Variants in SBF2 observed in about 807,000 individuals in gnomAD.
The protein encoded by SBF2 is SET binding factor 2, also known as myotubularin-related protein 13.
Under a neutral mutation model 225.2 loss-of-function variants are expected in SBF2, and 112 were observed. The observed-to-expected ratio is 0.50, with a 90% CI of 0.43 to 0.58. SBF2 has a LOEUF of 0.58. Ranked by LOEUF, SBF2 falls within the 20% of genes least tolerant of loss-of-function variation. The pLI is 0.00. For missense variants in SBF2, 1,996 were observed against 2,206.2 expected (o/e 0.90, Z 1.91); for synonymous variants, 763 against 773.3 (o/e 0.99, Z 0.22).
chr11:10,144,973 C>T (rs1442638255), intron 2 of SBF2, among the ~76,000 whole-genome samples: 1 of 152,226 alleles, frequency 6.6e-6, no homozygotes, highest in African/African-American at 2.4e-5. Context: ...GCTCCACTTA[C>T]ATTCCACTTA....
intron 1 of SBF2, among the ~76,000 whole-genome samples, chr11:10,301,427 T>G (rs1389951050): frequency 6.6e-6 from 1 of 152,232 alleles, no homozygotes; most frequent in Non-Finnish European, 1.5e-5. Context: ...GCTGATTGTG[T>G]TCTTTCTCTA....
At chr11:10,199,795 C>T (rs1957509805) in intron 1 of SBF2, among the ~76,000 whole-genome samples, 1 of 151,654 alleles carries the variant, frequency 6.6e-6, no homozygotes, top group African/African-American at 2.4e-5. Context: ...ACCTGTAGTC[C>T]CAGCTACTCA....
intron 35 of SBF2, among the ~76,000 whole-genome samples, chr11:9,788,897 G>T (rs1426617830): frequency 6.6e-6 from 1 of 151,984 alleles, no homozygotes; most frequent in East Asian, 1.9e-4. Context: ...GAGCCACCGC[G>T]CCAGGCTGGA....
chr11:10,100,824 A>C (rs1952265639), intron 2 of SBF2, among the ~76,000 whole-genome samples: 1 of 151,544 alleles, frequency 6.6e-6, no homozygotes, highest in African/African-American at 2.4e-5. Flanking sequence ...CCTTGTGTGG[A>C]GGTGTCTGTA....
intron 2 of SBF2, among the ~76,000 whole-genome samples, chr11:10,122,452 C>T (rs1276094356): frequency 2.0e-5 from 3 of 152,160 alleles, no homozygotes; most frequent in Non-Finnish European, 1.5e-5. Context: ...GAACTCAGAA[C>T]AGGCCCTAAA....
intron 6 of SBF2, among the ~76,000 whole-genome samples, chr11:10,021,040 T>C (rs567503063): frequency 5.1e-4 from 77 of 152,178 alleles, no homozygotes; most frequent in African/African-American, 1.8e-3. Context: ...TAGAAAAAGG[T>C]ACAAACACAA....
chr11:10,008,802 T>C (rs937122099), intron 6 of SBF2, among the ~76,000 whole-genome samples: 1 of 152,224 alleles, frequency 6.6e-6, no homozygotes. Context: ...CAAACATCAC[T>C]ATTGAAGGGA....
chr11:9,976,193 C>A (rs1946676512), intron 13 of SBF2, among the ~76,000 whole-genome samples: 1 of 151,578 alleles, frequency 6.6e-6, no homozygotes, highest in Non-Finnish European at 1.5e-5. Context: ...CCTGCCTCAG[C>A]CTCCCGAGTA....
At chr11:10,216,390 CTTT>C (rs765823730) in intron 1 of SBF2, among the ~76,000 whole-genome samples, 16 of 152,206 alleles carry the variant, frequency 1.1e-4, no homozygotes, top group Non-Finnish European at 2.1e-4. Context: ...TCTATTCCTT[CTTT>C]AAGATGATAG....
chr11:10,212,683 A>C (rs1957978873), intron 1 of SBF2, among the ~76,000 whole-genome samples: 1 of 152,204 alleles, frequency 6.6e-6, no homozygotes, highest in Non-Finnish European at 1.5e-5. Flanking sequence ...CTACCCTTCC[A>C]TGACAGTTCT....
At chr11:10,015,929 C>A (rs894135469) in intron 6 of SBF2, among the ~76,000 whole-genome samples, 1 of 152,014 alleles carries the variant, frequency 6.6e-6, no homozygotes, top group African/African-American at 2.4e-5. Context: ...AGGTGCCCCC[C>A]ATCACTCCAG....
At chr11:10,301,947 GA>G (rs1964602443) in intron 1 of SBF2, among the ~76,000 whole-genome samples, 1 of 152,018 alleles carries the variant, frequency 6.6e-6, no homozygotes, top group Non-Finnish European at 1.5e-5. Context: ...TGAAATTCTG[GA>G]GCACACAAAA....
intron 2 of SBF2, among the ~76,000 whole-genome samples, chr11:10,089,107 A>G (rs1434759446): frequency 6.6e-6 from 1 of 152,154 alleles, no homozygotes; most frequent in Non-Finnish European, 1.5e-5. Context: ...ACATGAATAC[A>G]CTGCATAGTG....
intron 2 of SBF2, among the ~76,000 whole-genome samples, chr11:10,107,268 T>C (rs565581699): frequency 6.6e-6 from 1 of 152,230 alleles, no homozygotes; most frequent in East Asian, 1.9e-4. Context: ...AACCGAACAT[T>C]CATCAACAGG....
chr11:9,824,112 T>C (rs1854928424), intron 28 of SBF2, among the ~76,000 whole-genome samples: 1 of 152,140 alleles, frequency 6.6e-6, no homozygotes, highest in Admixed American at 6.5e-5. Context: ...AAATAGGAGA[T>C]TTTAATCTGA....
chr11:9,864,074 A>G (rs1857982652), intron 17 of SBF2, among the ~76,000 whole-genome samples: 1 of 152,242 alleles, frequency 6.6e-6, no homozygotes, highest in South Asian at 2.1e-4. Context: ...AGGAGCAGAA[A>G]GAGAATGGCC....
chr11:10,089,948 A>T (rs1951713116), intron 2 of SBF2, among the ~76,000 whole-genome samples: 2 of 152,232 alleles, frequency 1.3e-5, no homozygotes, highest in Non-Finnish European at 1.5e-5. Flanking sequence ...CCATCAATAG[A>T]TGAATGGATA....
At chr11:10,051,372 G>C (rs72858879) in intron 2 of SBF2, among the ~76,000 whole-genome samples, 1,653 of 152,150 alleles carry the variant, frequency 0.011, 17 homozygotes, top group Middle Eastern at 0.02. Flanking sequence ...AAATATGTTA[G>C]TTTACACTAT....
chr11:10,031,174 GA>G lies in SBF2; in HGVS notation c.280-5del. ...CAATCTCTTCCTTCTTTGTTCCCTA[GA>G]AAAAGAGACACTGAAATCAACAAAC... On this transcript the variant is annotated splice_region_variant and splice_polypyrimidine_tract_variant and intron_variant, in intron 3 of 39. Transcript: ENST00000256190. The G allele has an allele frequency of 6.2e-7, 1 of 1,612,764 alleles. No individual in the cohort carries two copies. Among genetic ancestry groups the G allele is most frequent in the Non-Finnish European group, 8.5e-7 (1 of 1,179,348 alleles).
Sources: allele counts gnomAD v4.1 joint callset (sites outside exome capture counted in the v4.1 genomes callset), GRCh38; gene constraint gnomAD v4.1.1; transcripts MANE v1.5; gene names NCBI Gene and HGNC (gene_info 2026-07-23, HGNC 2026-07-21).